GRID2: variants seen among roughly 807,000 people sequenced by gnomAD.
GRID2 encodes the protein glutamate ionotropic receptor delta type subunit 2.
In GRID2, 33 loss-of-function variants were observed where a neutral mutation model predicts 114.8. The observed-to-expected ratio is 0.29, with a 90% CI of 0.22 to 0.38. The LOEUF (loss-of-function observed/expected upper bound fraction) is 0.38. GRID2 is among the 10% of genes least tolerant of loss of function. The probability of loss-of-function intolerance (pLI) is 1.00; values close to 1 mark genes in which losing one functional copy is unlikely to be tolerated. For synonymous variants in GRID2, 505 were observed against 449.9 expected (o/e 1.12, Z -1.55); for missense variants, 1,184 against 1,257.7 (o/e 0.94, Z 0.89).
chr4:93,157,242 C>T (rs970239447), intron 4 of GRID2, among the ~76,000 whole-genome samples: 1 of 151,624 alleles, frequency 6.6e-6, no homozygotes, highest in Non-Finnish European at 1.5e-5. Context: ...AGACTCGAAA[C>T]ACCCTGAAAA....
At chr4:92,337,136 A>T (rs913075657) in intron 1 of GRID2, among the ~76,000 whole-genome samples, 2 of 151,946 alleles carry the variant, frequency 1.3e-5, no homozygotes, top group Non-Finnish European at 2.9e-5. Context: ...TATTTAGCAT[A>T]GACTTTGCTC....
chr4:93,746,122 T>C (rs1430249366), intron 14 of GRID2, among the ~76,000 whole-genome samples: 1 of 152,130 alleles, frequency 6.6e-6, no homozygotes. Context: ...AATTTTTAAG[T>C]TGAGAAAGAT....
chr4:93,654,794 CAGTG>C (rs1722865460), intron 14 of GRID2, among the ~76,000 whole-genome samples: 1 of 152,096 alleles, frequency 6.6e-6, no homozygotes, highest in African/African-American at 2.4e-5. Context: ...GCCCCAGTGT[CAGTG>C]AGTAAGTGAG....
intron 10 of GRID2, among the ~76,000 whole-genome samples, chr4:93,449,017 T>TC (rs778312280): frequency 6.7e-6 from 1 of 149,844 alleles, no homozygotes; most frequent in Non-Finnish European, 1.5e-5. Flanking sequence ...CCCTTTTTTT[T>TC]CCACCCTTTC....
At chr4:93,222,656 C>T (rs62310362) in intron 6 of GRID2, among the ~76,000 whole-genome samples, 10,416 of 151,954 alleles carry the variant, frequency 0.069, 488 homozygotes, top group East Asian at 0.24. Flanking sequence ...TGATGTTCCC[C>T]ATCCTGTGTC....
chr4:92,981,996 A>C (rs1754241500), intron 2 of GRID2, among the ~76,000 whole-genome samples: 1 of 149,040 alleles, frequency 6.7e-6, no homozygotes, highest in Non-Finnish European at 1.5e-5. Flanking sequence ...TTTACAGAAA[A>C]GTATCTTCAC....
intron 1 of GRID2, among the ~76,000 whole-genome samples, chr4:92,472,669 T>C (rs1216015297): frequency 6.6e-6 from 1 of 152,144 alleles, no homozygotes; most frequent in East Asian, 1.9e-4. Context: ...TGCATCTCCC[T>C]AATGACAAAG....
intron 8 of GRID2, among the ~76,000 whole-genome samples, chr4:93,361,903 C>T (rs1298738975): frequency 2.0e-5 from 3 of 152,058 alleles, no homozygotes; most frequent in Non-Finnish European, 4.4e-5. Context: ...TAAACGTGTG[C>T]TATGCAGGTT....
intron 8 of GRID2, among the ~76,000 whole-genome samples, chr4:93,333,660 A>G (rs925645014): frequency 3.9e-5 from 6 of 152,206 alleles, no homozygotes; most frequent in Admixed American, 6.5e-5. Context: ...TTGTAAAGGC[A>G]TAGAAGAGTT....
intron 1 of GRID2, among the ~76,000 whole-genome samples, chr4:93,791,844 A>C (rs1332970849): frequency 6.6e-6 from 1 of 152,246 alleles, no homozygotes; most frequent in African/African-American, 2.4e-5. Context: ...TTCTGTGAGC[A>C]AACAGCATTG....
intron 2 of GRID2, among the ~76,000 whole-genome samples, chr4:93,000,548 G>A (rs1420670334): frequency 1.3e-5 from 2 of 151,570 alleles, no homozygotes; most frequent in East Asian, 3.9e-4. Flanking sequence ...AAGAAGCATA[G>A]TAACTTATAA....
At chr4:92,814,735 G>A (rs1242546578) in intron 2 of GRID2, among the ~76,000 whole-genome samples, 1 of 152,118 alleles carries the variant, frequency 6.6e-6, no homozygotes, top group South Asian at 2.1e-4. Flanking sequence ...CAACTTAAGG[G>A]GGTGTGGAAG....
At chr4:92,749,853 TATTGATTGATTG>T (rs113146808) in intron 2 of GRID2, among the ~76,000 whole-genome samples, 5 of 151,822 alleles carry the variant, frequency 3.3e-5, no homozygotes, top group East Asian at 2.0e-4. Flanking sequence ...CCTCACATTT[TATTGATTGATTG>T]ATTGATTGAT....
intron 1 of GRID2, among the ~76,000 whole-genome samples, chr4:92,576,285 C>G (rs867923168): frequency 6.6e-6 from 1 of 152,140 alleles, no homozygotes; most frequent in Non-Finnish European, 1.5e-5. Flanking sequence ...CTTCCTTGTC[C>G]GGACCATTTG....
At chr4:92,915,746 A>G (rs1393222484) in intron 2 of GRID2, among the ~76,000 whole-genome samples, 2 of 152,044 alleles carry the variant, frequency 1.3e-5, no homozygotes, top group African/African-American at 2.4e-5. Flanking sequence ...TGACTTTTTA[A>G]TAGTAGCCAT....
intron 1 of GRID2, among the ~76,000 whole-genome samples, chr4:92,386,426 G>GCTGT (rs1729963543): frequency 6.6e-6 from 1 of 151,706 alleles, no homozygotes; most frequent in Admixed American, 6.6e-5. Context: ...TAAAAATTAA[G>GCTGT]CTGTCAACAT....
At chr4:92,978,759 C>G (rs1333396606) in intron 2 of GRID2, among the ~76,000 whole-genome samples, 1 of 152,088 alleles carries the variant, frequency 6.6e-6, no homozygotes, top group Non-Finnish European at 1.5e-5. Context: ...AGGCTGTGTA[C>G]AGTTGCTCAT....
At chr4:92,716,188 C>A (rs1735539603) in intron 2 of GRID2, among the ~76,000 whole-genome samples, 1 of 152,150 alleles carries the variant, frequency 6.6e-6, no homozygotes, top group Non-Finnish European at 1.5e-5. Context: ...TTTCACGAGT[C>A]AAAATTCCAA....
At chr4:93,044,930 T>C (rs935733174) in intron 2 of GRID2, among the ~76,000 whole-genome samples, 1 of 152,140 alleles carries the variant, frequency 6.6e-6, no homozygotes, top group African/African-American at 2.4e-5. Flanking sequence ...TCAGAAAAGA[T>C]TTTAATTAAA....
Sources: gnomAD v4.1 joint callset for allele counts (sites outside exome capture counted in the v4.1 genomes callset) on GRCh38, gnomAD v4.1.1 for gene constraint, MANE v1.5 for transcripts, NCBI Gene and HGNC (gene_info 2026-07-23, HGNC 2026-07-21) for gene names.